The following PKD1L1 variants were observed in gnomAD, a reference collection of about 807,000 sequenced individuals.
PKD1L1 encodes the protein polycystin 1 like 1, transient receptor potential channel interacting.
In PKD1L1, 236 loss-of-function variants were observed where a neutral mutation model predicts 323.4. That is an observed-to-expected ratio of 0.73 (90% CI 0.66 to 0.81). The LOEUF is 0.81. PKD1L1 is among the 40% of genes least tolerant of loss of function. The probability of loss-of-function intolerance (pLI) is 0.00; values close to 1 mark genes in which losing one functional copy is unlikely to be tolerated. For missense variants in PKD1L1, 3,320 were observed against 3,508.0 expected, an observed-to-expected ratio of 0.95 and a Z score of 1.35; for synonymous variants, 1,344 against 1,335.0, an observed-to-expected ratio of 1.01 and a Z score of -0.15.
rs368772905 is a variant in PKD1L1 at position 47,839,877 on chromosome 7, C to A, written c.5553-215G>T. Among the ~76,000 whole-genome samples, 4 of 152,316 alleles carry A rather than the reference C, an allele frequency of 2.6e-5. No individual in the cohort carries two copies. Among genetic ancestry groups the A allele is most frequent in the East Asian group, 1.9e-4 (1 of 5,186 alleles). ...CGAGCACAGTGACCCTGCACTCAGG[C>A]CTTCAATATCCACCAGCTTTCCCAA... On this transcript the variant is annotated intron_variant, in intron 35 of 56. Transcript: ENST00000289672. The surrounding 1 kb of genome is among the most constrained non-coding windows in gnomAD (Gnocchi z 4.3).
chr7:47,780,098 C>A (rs62448546), intron 56 of PKD1L1, among the ~76,000 whole-genome samples: 1 of 152,082 alleles, frequency 6.6e-6, no homozygotes, highest in Admixed American at 6.5e-5. Flanking sequence ...CAGAACACTC[C>A]TATGTACCTT....
chr7:47,857,517 A>T, intron 28 of PKD1L1, 88 bp downstream of exon 28: 1 of 1,151,566 alleles, frequency 8.7e-7, no homozygotes, highest in Non-Finnish European at 1.3e-6. Flanking sequence ...CAAATATGCC[A>T]ACCTAGTTTC....
chr7:47,877,405 A>G (rs918426233), intron 22 of PKD1L1, 84 bp downstream of exon 22: 4 of 1,541,578 alleles, frequency 2.6e-6, no homozygotes, highest in Admixed American at 3.5e-5. Flanking sequence ...ATTGCTGTCC[A>G]TTCCTACAGC....
At chr7:47,835,399 AATTG>A (rs941139895) in intron 37 of PKD1L1, among the ~76,000 whole-genome samples, 156 bp from the exon 38 acceptor site, 5 of 152,126 alleles carry the variant, frequency 3.3e-5, no homozygotes, top group Non-Finnish European at 5.9e-5. Context: ...GTTACAATTC[AATTG>A]ATTGATTGAT....
intron 43 of PKD1L1, 94 bp from the exon 44 acceptor site, chr7:47,829,695 C>T (rs1166005296): frequency 7.7e-7 from 1 of 1,294,248 alleles, no homozygotes; most frequent in African/African-American, 1.5e-5. Context: ...ATGAACAGGA[C>T]TCCATCTCCC....
rs1199931160 is a variant in PKD1L1 at position 47,836,975 on chromosome 7, C to T, written c.5889G>A (p.Leu1963=). ...HTPRLTVSFS[L]LCVYACLTAL... is the part of the protein sequence containing the mutation. ...CAGTGAGACACGCGTAGACGCACAGCAGGGAGAAGGACACGGTGAGGCGCG... is the reference window on the plus strand; with the variant it reads ...CAGTGAGACACGCGTAGACGCACAGTAGGGAGAAGGACACGGTGAGGCGCG... Residue 1963 remains leucine (L), a synonymous_variant, in exon 37 of 57, where the codon CTG becomes CTA. Coordinates refer to ENST00000289672, the MANE Select transcript of PKD1L1 (RefSeq NM_138295.5). 9 of 1,614,104 alleles carry T rather than the reference C, an allele frequency of 5.6e-6. No individual in the cohort carries two copies. The highest frequency in any genetic ancestry group is 1.3e-5 in the African/African-American group (1 of 74,960).
Position 47,833,877 on chromosome 7 carries a change from C to CT in PKD1L1, c.6174+461dup, listed in dbSNP as rs1562951796. Among the ~76,000 whole-genome samples the CT allele has an allele frequency of 5.3e-5, 8 of 152,338 alleles. No homozygotes were observed. The South Asian group carries it at 1.7e-3, about 32-fold the overall frequency. ...TCCAACTGCCCCGTGTCACAGGCCT[C>CT]TTTGAGACCTGGAACGGAGCTCCCA... On this transcript the variant is annotated intron_variant, in intron 40 of 56. Coordinates refer to ENST00000289672, the MANE Select transcript of PKD1L1 (RefSeq NM_138295.5).
intron 36 of PKD1L1, 35 bp from the exon 37 acceptor site, chr7:47,837,129 T>A: frequency 6.2e-7 from 1 of 1,608,092 alleles, no homozygotes; most frequent in Non-Finnish European, 8.5e-7. Flanking sequence ...TTCCCTGACA[T>A]GGAGCATTTC....
chr7:47,912,150 T>C (rs547507426), intron 8 of PKD1L1, among the ~76,000 whole-genome samples: 1 of 152,244 alleles, frequency 6.6e-6, no homozygotes, highest in East Asian at 1.9e-4. Flanking sequence ...GGAATCGTTA[T>C]CTTCTGAGAT....
Position 47,881,921 on chromosome 7 carries a change from A to G in PKD1L1, c.3430T>C (p.Tyr1144His). The G allele has an allele frequency of 6.3e-7, 1 of 1,596,184 alleles. No homozygotes were observed. Among genetic ancestry groups the G allele is most frequent in the Non-Finnish European group, 8.5e-7 (1 of 1,173,938 alleles). Residue 1144 changes from tyrosine to histidine, a missense_variant, in exon 20 of 57, where the codon TAT (tyrosine) becomes CAT (histidine). Physicochemically the swap from Tyr to His is moderately conservative, Grantham distance 83. Coordinates refer to ENST00000289672, the MANE Select transcript of PKD1L1 (RefSeq NM_138295.5). ...AGGACATTCATACCTGAGGATGAAT[A>G]GCCTTGGAAAACTGCTCGACCCAGC... ...ALLGRAVFQG[Y>H]SSSGITEQTV...
Position 47,833,232 on chromosome 7 carries a change from G to C in PKD1L1, c.6195C>G (p.Leu2065=), listed in dbSNP as rs749637769. ...TCCTTTGGGCCCTGCCACTCCCAGAGAGAATGGCTGATGCAGGTTGCTAGA... is the reference window on the plus strand; with the variant it reads ...TCCTTTGGGCCCTGCCACTCCCAGACAGAATGGCTGATGCAGGTTGCTAGA... The part of the protein sequence containing the change: ...EPRKQPASAI[L]SGSGRAQRKA... The change falls in exon 41 of 57, where the codon CTC becomes CTG. Residue 2065 remains leucine (L), a synonymous_variant. Coordinates refer to ENST00000289672, the MANE Select transcript of PKD1L1 (RefSeq NM_138295.5). The C allele has an allele frequency of 1.2e-5, 20 of 1,613,032 alleles. No individual in the cohort carries two copies. Among genetic ancestry groups the C allele is most frequent in the Admixed American group, 5.0e-5 (3 of 59,928 alleles).
chr7:47,877,570 C>T lies in PKD1L1; in HGVS notation c.3582G>A (p.Arg1194=), dbSNP rs1367586009. Residue 1194 remains arginine, a synonymous_variant, in exon 22 of 57, where the codon CGG becomes CGA. Transcript: ENST00000289672. The part of the protein sequence containing the change: ...QLYLTVNPAP[R]DMACQVQPHH... Reference sequence around the variant, plus strand: ...GGGGCTGCACCTGACAGGCCATGTCCCGAGGAGCCGGGTTGACTGTCAAGT... The same window carrying T: ...GGGGCTGCACCTGACAGGCCATGTCTCGAGGAGCCGGGTTGACTGTCAAGT... 5.0e-6 allele frequency: 8 copies of T among 1,613,994 alleles called. No homozygotes were observed. In the East Asian group the frequency reaches 1.8e-4, roughly 36 times the overall value.
At chr7:47,900,851 G>C (rs983178232) in intron 13 of PKD1L1, among the ~76,000 whole-genome samples, 1 of 152,144 alleles carries the variant, frequency 6.6e-6, no homozygotes, top group Non-Finnish European at 1.5e-5. Context: ...TTAAAATTAT[G>C]TAATCAAAAG....
rs565194764 is a variant in PKD1L1 at position 47,839,416 on chromosome 7, G to A, written c.5769+30C>T. On this transcript the variant is annotated intron_variant, in intron 36 of 56. Coordinates refer to ENST00000289672, the MANE Select transcript of PKD1L1 (RefSeq NM_138295.5). This position sits in a 1 kb window ranked among gnomAD's most constrained non-coding sequence, Gnocchi z 4.3. ...CATGCTCTGCCGGTCAGCCAGGTGC[G>A]CCACGAGAGGCCACCTGGAGGGAGC... 27 of 1,564,378 alleles carry A rather than the reference G, an allele frequency of 1.7e-5. No individual in the cohort carries two copies. Among genetic ancestry groups the A allele is most frequent in the Middle Eastern group, 1.7e-4 (1 of 5,966 alleles).
chr7:47,784,996 T>C (rs542061498), intron 56 of PKD1L1, among the ~76,000 whole-genome samples: 97 of 152,168 alleles, frequency 6.4e-4, no homozygotes, highest in Non-Finnish European at 1.1e-3. Flanking sequence ...TGCTGGTCTC[T>C]GTGGAAGCCA....
intron 56 of PKD1L1, among the ~76,000 whole-genome samples, chr7:47,783,700 T>A (rs7797545): frequency 6.6e-6 from 1 of 151,960 alleles, no homozygotes; most frequent in African/African-American, 2.4e-5. Flanking sequence ...GCTGGAGAGA[T>A]GCCTGGAACA....
At chr7:47,877,403 C>A (rs761813507) in intron 22 of PKD1L1, 86 bp downstream of exon 22, 129 of 1,532,984 alleles carry the variant, frequency 8.4e-5, no homozygotes, top group Non-Finnish European at 1.1e-4. Context: ...ACATTGCTGT[C>A]CATTCCTACA....
intron 54 of PKD1L1, among the ~76,000 whole-genome samples, chr7:47,796,692 A>G (rs1330260868): frequency 6.6e-6 from 1 of 152,200 alleles, no homozygotes; most frequent in Non-Finnish European, 1.5e-5. Context: ...TTGTTTAAAA[A>G]ATAACCCAAA....
At chr7:47,921,896 C>T (rs534758414) in intron 7 of PKD1L1, among the ~76,000 whole-genome samples, 2 of 151,524 alleles carry the variant, frequency 1.3e-5, no homozygotes, top group East Asian at 2.0e-4. Flanking sequence ...CTCCCCTCCC[C>T]CTCCCCTTCC....
Sources: gnomAD v4.1 joint callset for allele counts (sites outside exome capture counted in the v4.1 genomes callset) on GRCh38, gnomAD v4.1.1 for gene constraint, Gnocchi (gnomAD v3.1) non-coding constraint, MANE v1.5 for transcripts, NCBI Gene and HGNC (gene_info 2026-07-23, HGNC 2026-07-21) for gene names.